The following FBLN1 variants were observed in gnomAD, a reference collection of about 807,000 sequenced individuals.
FBLN1 encodes the protein fibulin 1.
FBLN1 carries 34 observed loss-of-function variants against 89.7 expected under a neutral mutation model. That is an observed-to-expected ratio of 0.38 (90% confidence interval 0.29 to 0.50). FBLN1 has a LOEUF of 0.50. Among genes scored for constraint, FBLN1 ranks in the 20% least tolerant of loss-of-function variants. FBLN1 has a pLI of 0.92. For missense variants in FBLN1, 777 were observed against 988.1 expected, an observed-to-expected ratio of 0.79 and a Z score of 2.86; for synonymous variants, 393 against 391.3, an observed-to-expected ratio of 1.00 and a Z score of -0.05.
In FBLN1 at chr22:45,532,743, C is replaced by T; in HGVS notation, c.545-320C>T. On this transcript the variant is annotated intron_variant, in intron 5 of 16. Transcript: ENST00000327858. This position sits in a 1 kb window ranked among gnomAD's most constrained non-coding sequence, Gnocchi z 4.2. ...CCTGGCCTTCCACGTGGAGCCCACA[C>T]CCCCATGTCTGTGACCGGCAGTGAG... 2.2e-6 allele frequency: 1 copy of T among 448,228 alleles called. No homozygotes were observed. The highest frequency in any genetic ancestry group is 4.5e-5 in the East Asian group (1 of 22,028). 27.8% of individuals were successfully genotyped at this position (448,228 alleles called of 1,614,324 possible). A position where few individuals can be genotyped will look rare whatever the true frequency, so the allele number is the denominator to read the frequency against.
chr22:45,550,403 T>G lies in FBLN1; in HGVS notation c.1574-89T>G, dbSNP rs2088686239. 1 of 1,596,238 alleles carries G rather than the reference T, an allele frequency of 6.3e-7. No individual in the cohort carries two copies. The highest frequency in any genetic ancestry group is 1.3e-5 in the African/African-American group (1 of 74,780). On this transcript the variant is annotated intron_variant, in intron 13 of 16. Coordinates refer to ENST00000327858, the MANE Select transcript of FBLN1 (RefSeq NM_006486.3). This position sits in a 1 kb window ranked among gnomAD's most constrained non-coding sequence, Gnocchi z 8.4. ...GCCTGATCGCCACCCCTAACCCTAGTTGATGGGAGGCCTGGGCTCCTCCGT... is the reference window on the plus strand; with the variant it reads ...GCCTGATCGCCACCCCTAACCCTAGGTGATGGGAGGCCTGGGCTCCTCCGT...
chr22:45,536,768 AAAG>A lies in FBLN1; in HGVS notation c.922+1434_922+1436del, dbSNP rs903362089. 1.9e-4 allele frequency among the ~76,000 whole-genome samples: 29 copies of A among 152,148 alleles called. No individual in the cohort carries two copies. The highest frequency in any genetic ancestry group is 6.0e-4 in the African/African-American group (25 of 41,440). ...TGACAGAGTGAGACTCCATCTCAAAAAAGAAAAAAAAAAAGAAATTGCTGATAT... is the reference window on the plus strand; with the variant it reads ...TGACAGAGTGAGACTCCATCTCAAAAAAAAAAAAAAAGAAATTGCTGATAT... On this transcript the variant is annotated intron_variant, in intron 8 of 16. Transcript: ENST00000327858. This position sits in a 1 kb window ranked among gnomAD's most constrained non-coding sequence, Gnocchi z 5.1.
chr22:45,594,993 C>G (rs2089172569), intron 16 of FBLN1, among the ~76,000 whole-genome samples: 1 of 152,106 alleles, frequency 6.6e-6, no homozygotes, highest in Admixed American at 6.6e-5. Flanking sequence ...CTATTATGTG[C>G]CAGGAACTGA....
In FBLN1 at chr22:45,550,761, C is replaced by G; in HGVS notation, c.1697+146C>G. 1.7e-6 allele frequency: 2 copies of G among 1,157,658 alleles called. No individual in the cohort carries two copies. The highest frequency in any genetic ancestry group is 4.7e-5 in the East Asian group (2 of 42,414). 71.7% of individuals were successfully genotyped at this position (1,157,658 alleles called of 1,614,324 possible). A position where few individuals can be genotyped will look rare whatever the true frequency, so the allele number is the denominator to read the frequency against. ...ACTCAAAGATCACCTGATCCCTGGC[C>G]CTCAAGCCCCTAAATGCTAGTGACA... On this transcript the variant is annotated intron_variant, in intron 14 of 16. Coordinates refer to ENST00000327858, the MANE Select transcript of FBLN1 (RefSeq NM_006486.3). This position sits in a 1 kb window ranked among gnomAD's most constrained non-coding sequence, Gnocchi z 8.4.
intron 14 of FBLN1, among the ~76,000 whole-genome samples, chr22:45,553,792 C>CT (rs2088737722): frequency 6.6e-6 from 1 of 152,108 alleles, no homozygotes; most frequent in African/African-American, 2.4e-5. Context: ...TGTGTGATGA[C>CT]GGCGGGAGCT....
chr22:45,527,037 G>A (rs867211332), intron 3 of FBLN1, among the ~76,000 whole-genome samples: 3 of 152,094 alleles, frequency 2.0e-5, no homozygotes, highest in Non-Finnish European at 4.4e-5. Flanking sequence ...GGTGACTGAT[G>A]CTCCCTACAC....
At chr22:45,509,787 T>C (rs1411566009) in intron 1 of FBLN1, among the ~76,000 whole-genome samples, 1 of 152,024 alleles carries the variant, frequency 6.6e-6, no homozygotes, top group Non-Finnish European at 1.5e-5. Flanking sequence ...TCTCTGTGGT[T>C]GACATCTTGT....
At position 45,504,599 on chromosome 22, in the gene FBLN1, C is replaced by A. The variant is rs551693584; in HGVS notation, c.79+1535C>A. Among the ~76,000 whole-genome samples the A allele has an allele frequency of 2.6e-5, 4 of 152,186 alleles. No individual in the cohort carries two copies. The East Asian group carries it at 7.7e-4, about 29-fold the overall frequency. On this transcript the variant is annotated intron_variant, in intron 1 of 16. Coordinates refer to ENST00000327858, the MANE Select transcript of FBLN1 (RefSeq NM_006486.3). The stretch of plus-strand genomic sequence containing the variant: ...GGAGCCTCAGAGGCCCCGATTGTGT[C>A]GATGAGGAAGCTGAGGGCCTGAGAG...
Position 45,556,557 on chromosome 22 carries a change from C to T in FBLN1, c.1697+5942C>T, listed in dbSNP as rs2088790598. ...TGTAGTTTCCCATTGACCTTAATCA[C>T]AGGGCATGGTAATACTGAGAGATGC... On this transcript the variant is annotated intron_variant, in intron 14 of 16. Transcript: ENST00000327858. The surrounding 1 kb of genome is among the most constrained non-coding windows in gnomAD (Gnocchi z 4.6). Among the ~76,000 whole-genome samples the T allele has an allele frequency of 6.6e-6, 1 of 152,040 alleles. No individual in the cohort carries two copies. The highest frequency in any genetic ancestry group is 1.5e-5 in the Non-Finnish European group (1 of 68,022).
Position 45,545,031 on chromosome 22 carries a change from A to G in FBLN1, c.1321+1505A>G, listed in dbSNP as rs2088608703. 6.6e-6 allele frequency among the ~76,000 whole-genome samples: 1 copy of G among 152,188 alleles called. No homozygotes were observed. ...ACGGCTTCTGCAGCCTGACTCAAAC[A>G]TGGCAGGTCCTAACATTTTGCCATG... is the stretch of plus-strand genomic sequence containing the variant. On this transcript the variant is annotated intron_variant, in intron 11 of 16. Transcript: ENST00000327858. The surrounding 1 kb of genome is among the most constrained non-coding windows in gnomAD (Gnocchi z 5.9).
At chr22:45,552,180 G>T (rs2088711607) in intron 14 of FBLN1, among the ~76,000 whole-genome samples, 1 of 152,280 alleles carries the variant, frequency 6.6e-6, no homozygotes, top group African/African-American at 2.4e-5. Flanking sequence ...CCTTCGGCGT[G>T]TGTGCTAGGA....
Position 45,576,044 on chromosome 22 carries a change from G to T in FBLN1, c.1841-933G>T, listed in dbSNP as rs184692700. 6.6e-6 allele frequency among the ~76,000 whole-genome samples: 1 copy of T among 152,142 alleles called. No homozygotes were observed. The highest frequency in any genetic ancestry group is 2.4e-5 in the African/African-American group (1 of 41,414). ...CACCATGACACAACCATGCGGGGGG[G>T]TGGGGGGAGGAGAGGCTCCCTCAGC... On this transcript the variant is annotated intron_variant, in intron 15 of 16. Coordinates refer to ENST00000327858, the MANE Select transcript of FBLN1 (RefSeq NM_006486.3). The surrounding 1 kb of genome is among the most constrained non-coding windows in gnomAD (Gnocchi z 5.2).
intron 16 of FBLN1, among the ~76,000 whole-genome samples, chr22:45,596,198 A>T (rs550165843): frequency 6.6e-6 from 1 of 152,336 alleles, no homozygotes; most frequent in South Asian, 2.1e-4. Context: ...CCCTGTTCAT[A>T]GAAGAGGAAA....
In FBLN1 at chr22:45,597,258, C is replaced by T. The variant is rs1229207715; in HGVS notation, c.1973-3049C>T. Among the ~76,000 whole-genome samples, 2 of 152,168 alleles carry T rather than the reference C, an allele frequency of 1.3e-5. No individual in the cohort carries two copies. Among genetic ancestry groups the T allele is most frequent in the Non-Finnish European group, 2.9e-5 (2 of 68,036 alleles). On this transcript the variant is annotated intron_variant, in intron 16 of 16. Transcript: ENST00000327858. This position sits in a 1 kb window ranked among gnomAD's most constrained non-coding sequence, Gnocchi z 4.2. The stretch of plus-strand genomic sequence containing the variant: ...GCTTGTGATCTGCCCGCCTAAGCCT[C>T]CCAAAGTGCTGGGATTACAAGCGTG...
At chr22:45,596,253 C>T (rs532918634) in intron 16 of FBLN1, among the ~76,000 whole-genome samples, 13 of 152,330 alleles carry the variant, frequency 8.5e-5, no homozygotes, top group South Asian at 4.1e-4. Context: ...GGTCCTACCA[C>T]GGAGCCAGGT....
intron 2 of FBLN1, 50 bp from the exon 3 acceptor site, chr22:45,525,493 C>T: frequency 6.5e-7 from 1 of 1,544,274 alleles, no homozygotes; most frequent in Non-Finnish European, 8.7e-7. Context: ...ATCTCGTGCC[C>T]TGGGCCCCCT....
chr22:45,579,616 G>C lies in FBLN1; in HGVS notation c.1972+2508G>C, dbSNP rs1280492750. ...TCTTCCACGCCTCGGTCTGTGTGCA[G>C]GATGCCCCACCTGGCTGGGCTCCTG... is the stretch of plus-strand genomic sequence containing the variant. On this transcript the variant is annotated intron_variant, in intron 16 of 16. Transcript: ENST00000327858. This position sits in a 1 kb window ranked among gnomAD's most constrained non-coding sequence, Gnocchi z 5.5. 6.6e-6 allele frequency among the ~76,000 whole-genome samples: 1 copy of C among 152,198 alleles called. No homozygotes were observed. The highest frequency in any genetic ancestry group is 1.5e-5 in the Non-Finnish European group (1 of 68,034).
rs766342484 is a variant in FBLN1, at chr22:45,530,888, T to C, written c.485-377T>C. On this transcript the variant is annotated intron_variant, in intron 4 of 16. Coordinates refer to ENST00000327858, the MANE Select transcript of FBLN1 (RefSeq NM_006486.3). This position sits in a 1 kb window ranked among gnomAD's most constrained non-coding sequence, Gnocchi z 5.4. ...AAGCGATTATCCTGCCTCAACTTCC[T>C]GAGTACCTGAGATTACAGGTGCATG... is the stretch of plus-strand genomic sequence containing the variant. Among the ~76,000 whole-genome samples the C allele has an allele frequency of 6.6e-6, 1 of 152,122 alleles. No homozygotes were observed. The highest frequency in any genetic ancestry group is 2.4e-5 in the African/African-American group (1 of 41,424).
intron 2 of FBLN1, chr22:45,523,064 C>T (rs1602172535): frequency 9.6e-6 from 7 of 727,376 alleles, no homozygotes; most frequent in South Asian, 1.5e-5. Context: ...ATAGGGGCTT[C>T]TGCTCATGGT....
Sources: allele counts gnomAD v4.1 joint callset (sites outside exome capture counted in the v4.1 genomes callset), GRCh38; gene constraint gnomAD v4.1.1; non-coding constraint Gnocchi (gnomAD v3.1); transcripts MANE v1.5; gene names NCBI Gene and HGNC (gene_info 2026-07-23, HGNC 2026-07-21).